Variants in LARP1B observed in about 807,000 individuals in gnomAD.
The protein encoded by LARP1B is La ribonucleoprotein 1B, also known as la-related protein 1B.
In LARP1B, 76 loss-of-function variants were observed where a neutral mutation model predicts 114.2. The observed-to-expected ratio is 0.67, with a 90% confidence interval of 0.55 to 0.81. The LOEUF is 0.81. Ranked by LOEUF, LARP1B falls within the 30% of genes least tolerant of loss-of-function variation. LARP1B has a pLI of 0.00. For missense variants in LARP1B, 1,014 were observed against 1,075.8 expected (o/e 0.94, Z 0.80); for synonymous variants, 345 against 348.0 (o/e 0.99, Z 0.10).
chr4:128,098,768 T>TATATATA lies in LARP1B; in HGVS notation c.813+438_813+439insATATATA, dbSNP rs58280279. On this transcript the variant is annotated intron_variant, in intron 8 of 19. Transcript: ENST00000326639. ...ATGTGTATATATATATATATATATA[T>TATATATA]TTTTTTTTTTTTTTTTTTTTTTTTT... Among the ~76,000 whole-genome samples the TATATATA allele has an allele frequency of 2.3e-3, 44 of 18,856 alleles. 2 individuals carry two copies. The highest frequency in any genetic ancestry group is 6.6e-3 in the East Asian group (3 of 454). The allele number at this position is 18,856 out of a possible 152,430, so 12.4% of individuals were successfully genotyped here. A position where few individuals can be genotyped will look rare whatever the true frequency, so the allele number is the denominator to read the frequency against.
chr4:128,070,530 T>C (rs62335638), intron 1 of LARP1B, among the ~76,000 whole-genome samples: 104,488 of 150,584 alleles, frequency 0.69, 36,514 homozygotes, highest in Middle Eastern at 0.83. Flanking sequence ...GTGTGGTGGC[T>C]GGCACCTGTA....
rs758032661 is a variant in LARP1B at position 128,137,791 on chromosome 4, ATT to A, written c.1524+15612_1524+15613del. Reference sequence around the variant, plus strand: ...TATACATATATATATATATATATATATTTTTTTTTTAGGGGGGTTGGTGACAG... The same window carrying A: ...TATACATATATATATATATATATATATTTTTTTTAGGGGGGTTGGTGACAG... On this transcript the variant is annotated intron_variant, in intron 11 of 19. Coordinates refer to ENST00000326639, the MANE Select transcript of LARP1B (RefSeq NM_018078.4). 8.9e-3 allele frequency among the ~76,000 whole-genome samples: 565 copies of A among 63,550 alleles called. 6 individuals are homozygous for A. The highest frequency in any genetic ancestry group is 0.048 in the South Asian group (72 of 1,486). The allele number at this position is 63,550 out of a possible 152,430, so 41.7% of individuals were successfully genotyped here. A position where few individuals can be genotyped will look rare whatever the true frequency, so the allele number is the denominator to read the frequency against.
chr4:128,128,484 C>G (rs1422003252), intron 11 of LARP1B, among the ~76,000 whole-genome samples: 2 of 152,158 alleles, frequency 1.3e-5, no homozygotes, highest in African/African-American at 4.8e-5. Context: ...GCTCAGAGCA[C>G]TTATGTTAGC....
intron 12 of LARP1B, among the ~76,000 whole-genome samples, chr4:128,164,650 C>G (rs979461275): frequency 2.0e-5 from 3 of 151,984 alleles, no homozygotes; most frequent in Non-Finnish European, 4.4e-5. Flanking sequence ...ATATTATAAC[C>G]CAGCAGTTTC....
intron 5 of LARP1B, among the ~76,000 whole-genome samples, chr4:128,086,367 T>C (rs1186564683): frequency 6.6e-6 from 1 of 152,068 alleles, no homozygotes; most frequent in African/African-American, 2.4e-5. Context: ...TCTCACTCTG[T>C]CTTCCAGGCT....
At position 128,210,424 on chromosome 4, in the gene LARP1B, C is replaced by T. The variant is rs967278096; in HGVS notation, c.*371C>T. ...ACAAGGAATGCCTAACATTTCAGCT[C>T]ATACTTCTTAAAGAAGATATAGTAT... is the stretch of plus-strand genomic sequence containing the variant. On this transcript the variant is annotated 3_prime_UTR_variant, in exon 20 of 20. Coordinates refer to ENST00000326639, the MANE Select transcript of LARP1B (RefSeq NM_018078.4). 1.4e-5 allele frequency: 14 copies of T among 1,035,514 alleles called. No homozygotes were observed. In the African/African-American group the frequency reaches 1.9e-4, roughly 14 times the overall value. 64.1% of individuals were successfully genotyped at this position (1,035,514 alleles called of 1,614,324 possible).
At chr4:128,113,334 T>G (rs1784734266) in intron 9 of LARP1B, among the ~76,000 whole-genome samples, 1 of 151,654 alleles carries the variant, frequency 6.6e-6, no homozygotes, top group Non-Finnish European at 1.5e-5. Flanking sequence ...TTTTTTTTCT[T>G]TTTCTTTTCT....
intron 10 of LARP1B, among the ~76,000 whole-genome samples, chr4:128,121,050 C>T (rs1212299526): frequency 1.3e-5 from 2 of 151,890 alleles, no homozygotes; most frequent in African/African-American, 2.4e-5. Flanking sequence ...ACCTTGTGAT[C>T]CACCCGCCTC....
intron 11 of LARP1B, among the ~76,000 whole-genome samples, chr4:128,142,809 A>G (rs936042641): frequency 6.6e-6 from 1 of 151,532 alleles, no homozygotes; most frequent in African/African-American, 2.4e-5. Flanking sequence ...TGCCTGGGTT[A>G]TGTTGTATAT....
Position 128,093,027 on chromosome 4 carries a change from C to A in LARP1B, c.668+1515C>A. 2.0e-6 allele frequency: 2 copies of A among 985,354 alleles called. 1 individual carries two copies. The highest frequency in any genetic ancestry group is 1.2e-4 in the Admixed American group (2 of 16,260). 61.0% of individuals were successfully genotyped at this position (985,354 alleles called of 1,614,324 possible). On this transcript the variant is annotated intron_variant, in intron 7 of 19. Coordinates refer to ENST00000326639, the MANE Select transcript of LARP1B (RefSeq NM_018078.4). The stretch of plus-strand genomic sequence containing the variant: ...TCATGCAGTGTAGAATCCAGAGCCT[C>A]TAAGGTAGGACTTGATGATGTCCCT...
intron 1 of LARP1B, among the ~76,000 whole-genome samples, chr4:128,074,062 T>C (rs1766821817): frequency 6.6e-6 from 1 of 152,060 alleles, no homozygotes; most frequent in South Asian, 2.1e-4. Context: ...TGCCTCAGCC[T>C]CCTGAGTATC....
chr4:128,181,454 A>T (rs1748350205), intron 15 of LARP1B, among the ~76,000 whole-genome samples: 2 of 152,164 alleles, frequency 1.3e-5, no homozygotes, highest in Admixed American at 1.3e-4. Flanking sequence ...CTGGGATTAC[A>T]GGCATGAGCC....
At position 128,083,651 on chromosome 4, in the gene LARP1B, G is replaced by T. The variant is rs1310537036; in HGVS notation, c.358+1346G>T. 2.4e-5 allele frequency among the ~76,000 whole-genome samples: 3 copies of T among 124,546 alleles called. 1 individual carries two copies. In the South Asian group the frequency reaches 9.4e-4, roughly 39 times the overall value. The allele number at this position is 124,546 out of a possible 152,430, so 81.7% of individuals were successfully genotyped here. A position where few individuals can be genotyped will look rare whatever the true frequency, so the allele number is the denominator to read the frequency against. On this transcript the variant is annotated intron_variant, in intron 5 of 19. Transcript: ENST00000326639. Reference sequence around the variant, plus strand: ...CCCCCCCACCTCCCTCCCGGACGGGGCGGCTGGCCAGGTGGGGGGGCTGAG... The same window carrying T: ...CCCCCCCACCTCCCTCCCGGACGGGTCGGCTGGCCAGGTGGGGGGGCTGAG...
At chr4:128,079,594 T>TG (rs1390996763) in intron 4 of LARP1B, among the ~76,000 whole-genome samples, 3 of 152,080 alleles carry the variant, frequency 2.0e-5, no homozygotes, top group Non-Finnish European at 4.4e-5. Context: ...AACAGGGTCT[T>TG]GCTCTGTCAC....
At chr4:128,124,002 C>T (rs1481356128) in intron 11 of LARP1B, 1 of 152,244 alleles carries the variant, frequency 6.6e-6, no homozygotes, top group South Asian at 2.1e-4. Flanking sequence ...TAACTCATCC[C>T]CTTTGGTTCT....
chr4:128,171,032 CA>C (rs1436746113), intron 12 of LARP1B, among the ~76,000 whole-genome samples: 1 of 151,734 alleles, frequency 6.6e-6, no homozygotes, highest in Non-Finnish European at 1.5e-5. Flanking sequence ...TTGCAAAACA[CA>C]TACTTTTCAG....
chr4:128,163,937 A>G (rs538103736), intron 12 of LARP1B, among the ~76,000 whole-genome samples: 1 of 152,236 alleles, frequency 6.6e-6, no homozygotes, highest in Non-Finnish European at 1.5e-5. Flanking sequence ...TCAGTACCGG[A>G]TCTGCTACTC....
At chr4:128,106,747 CTTA>C (rs1030604847) in intron 8 of LARP1B, among the ~76,000 whole-genome samples, 259 of 151,928 alleles carry the variant, frequency 1.7e-3, no homozygotes, top group African/African-American at 5.7e-3. Context: ...ACATGTAGTA[CTTA>C]TTATTCAATA....
chr4:128,083,621 G>T (rs1313123358), intron 5 of LARP1B, among the ~76,000 whole-genome samples: 1 of 144,162 alleles, frequency 6.9e-6, no homozygotes, highest in African/African-American at 2.6e-5. Context: ...CGGGCGGGGT[G>T]CTGACCCCCC....
Sources: allele counts gnomAD v4.1 joint callset (sites outside exome capture counted in the v4.1 genomes callset), GRCh38; gene constraint gnomAD v4.1.1; transcripts MANE v1.5; gene names NCBI Gene and HGNC (gene_info 2026-07-23, HGNC 2026-07-21).